SUSD5: variants seen among roughly 807,000 people sequenced by gnomAD.
SUSD5 encodes the protein sushi domain-containing protein 5.
Under a neutral mutation model 29.5 loss-of-function variants are expected in SUSD5, and 33 were observed. The ratio of observed to expected loss-of-function variants is 1.12; its 90% CI spans 0.85 to 1.49. The LOEUF (loss-of-function observed/expected upper bound fraction) is 1.49. Ranked by LOEUF, SUSD5 falls within the 40% of genes most tolerant of loss-of-function variation. The pLI is 0.00. For synonymous variants in SUSD5, 308 were observed against 325.3 expected (o/e 0.95, Z 0.57); for missense variants, 776 against 800.6 (o/e 0.97, Z 0.37).
chr3:33,154,237 C>T (rs373826292), intron 4 of SUSD5, among the ~76,000 whole-genome samples: 1 of 152,036 alleles, frequency 6.6e-6, no homozygotes, highest in Non-Finnish European at 1.5e-5. Context: ...AACATCTGAG[C>T]TTAGGCCGGG....
Position 33,204,310 on chromosome 3 carries a change from T to G in SUSD5, c.409+3498A>C, listed in dbSNP as rs929819026. Among the ~76,000 whole-genome samples, 24 of 151,862 alleles carry G rather than the reference T, an allele frequency of 1.6e-4. No individual in the cohort carries two copies. Among genetic ancestry groups the G allele is most frequent in the Admixed American group, 9.2e-4 (14 of 15,268 alleles). Reference sequence around the variant, plus strand: ...AAGCCACCATGCCCAGCCTGAGCTTTTTTGTTTGTTTGTTTGTTTGTTTGT... The same window carrying G: ...AAGCCACCATGCCCAGCCTGAGCTTGTTTGTTTGTTTGTTTGTTTGTTTGT... On this transcript the variant is annotated intron_variant, in intron 3 of 4. Coordinates refer to ENST00000309558, the MANE Select transcript of SUSD5 (RefSeq NM_015551.2). This position sits in a 1 kb window ranked among gnomAD's most constrained non-coding sequence, Gnocchi z 4.5.
chr3:33,177,070 T>G (rs985528088), intron 3 of SUSD5, among the ~76,000 whole-genome samples: 1 of 152,212 alleles, frequency 6.6e-6, no homozygotes, highest in Non-Finnish European at 1.5e-5. Flanking sequence ...AGTTGGTTAC[T>G]CTGGGTCTAT....
At chr3:33,174,817 C>T in intron 4 of SUSD5, 69 bp downstream of exon 4, 3 of 1,565,534 alleles carry the variant, frequency 1.9e-6, no homozygotes, top group Non-Finnish European at 2.6e-6. Context: ...CGCATGCAGC[C>T]AGCAGCAGTG....
At chr3:33,172,320 C>T (rs1256741501) in intron 4 of SUSD5, among the ~76,000 whole-genome samples, 1 of 152,176 alleles carries the variant, frequency 6.6e-6, no homozygotes, top group African/African-American at 2.4e-5. Context: ...AATTCCTGCC[C>T]AGCAGCTTAA....
At chr3:33,200,749 T>C (rs1052047574) in intron 3 of SUSD5, among the ~76,000 whole-genome samples, 1 of 152,134 alleles carries the variant, frequency 6.6e-6, no homozygotes, top group Non-Finnish European at 1.5e-5. Flanking sequence ...CAGATGGAAA[T>C]GAAGAACATG....
In SUSD5 at chr3:33,175,014, A is replaced by C; in HGVS notation, c.470T>G (p.Leu157Trp). The change falls in exon 4 of 5, where the codon TTG (leucine) becomes TGG (tryptophan). Residue 157 changes from leucine (L) to tryptophan (W), a missense_variant. Leu to Trp is a moderately conservative substitution (Grantham distance 61). Transcript: ENST00000309558. ...GTACAGCAGTTCATCCCCCATTTCC[A>C]AGCCGGTGCGGCCCTGCAGGATGGT... is the stretch of plus-strand genomic sequence containing the variant. ...PHTILQGRTG[L>W]EMGDELLYVC... The C allele has an allele frequency of 1.2e-6, 2 of 1,613,932 alleles. No individual in the cohort carries two copies. The highest frequency in any genetic ancestry group is 1.7e-6 in the Non-Finnish European group (2 of 1,179,878).
At chr3:33,209,586 ATTCCTTCC>A (rs889479890) in intron 2 of SUSD5, among the ~76,000 whole-genome samples, 1 of 114,752 alleles carries the variant, frequency 8.7e-6, no homozygotes, top group African/African-American at 3.3e-5. Flanking sequence ...TCTTTCCTTC[ATTCCTTCC>A]TTCCTTCCTC....
intron 3 of SUSD5, among the ~76,000 whole-genome samples, chr3:33,206,437 GTGTGTGTGTGTGTGTA>G (rs1037829646): frequency 1.3e-4 from 18 of 143,090 alleles, no homozygotes; most frequent in African/African-American, 5.1e-4. Flanking sequence ...GTGTGTGTGT[GTGTGTGTGTGTGTGTA>G]TGTGTTTTAA....
chr3:33,179,733 C>G (rs771496480), intron 3 of SUSD5, among the ~76,000 whole-genome samples: 6 of 152,112 alleles, frequency 3.9e-5, no homozygotes, highest in Admixed American at 2.6e-4. Flanking sequence ...TTTTATTGCT[C>G]TTTTCAAAAA....
chr3:33,177,874 G>A (rs1291570404), intron 3 of SUSD5, among the ~76,000 whole-genome samples: 4 of 152,146 alleles, frequency 2.6e-5, no homozygotes, highest in Non-Finnish European at 5.9e-5. Flanking sequence ...GCTTTTTGTT[G>A]TTGTTGATTC....
chr3:33,152,756 T>A lies in SUSD5; in HGVS notation c.1876A>T (p.Met626Leu). Residue 626 changes from methionine (M) to leucine (L), a missense_variant, in exon 5 of 5, where the codon ATG becomes TTG. Physicochemically the swap from Met to Leu is conservative, Grantham distance 15. Transcript: ENST00000309558. ...TCCAAAGGTGCCTAGACCTTCTCCATCTCGATCTGCTGGTGGTAGTGCCGA... is the reference window on the plus strand; with the variant it reads ...TCCAAAGGTGCCTAGACCTTCTCCAACTCGATCTGCTGGTGGTAGTGCCGA... ...QARHYHQQIEMEKV is the reference protein window; with the variant it reads ...QARHYHQQIELEKV 1.2e-6 allele frequency: 2 copies of A among 1,609,990 alleles called. No individual in the cohort carries two copies. Among genetic ancestry groups the A allele is most frequent in the Non-Finnish European group, 1.7e-6 (2 of 1,177,710 alleles).
chr3:33,218,539 G>A (rs1031597379), intron 1 of SUSD5, 147 bp downstream of exon 1: 3 of 718,752 alleles, frequency 4.2e-6, no homozygotes, highest in Admixed American at 4.4e-5. Flanking sequence ...AGGGATGCTG[G>A]GTCGCAGGAC....
intron 3 of SUSD5, among the ~76,000 whole-genome samples, chr3:33,198,079 C>T (rs1457085492): frequency 1.3e-5 from 2 of 152,030 alleles, no homozygotes; most frequent in South Asian, 2.1e-4. Context: ...AGAAATTATG[C>T]GTTGATTTAT....
rs2032374472 is a variant in SUSD5 at position 33,213,914 on chromosome 3, C to T, written c.290+14G>A. 1.3e-6 allele frequency: 2 copies of T among 1,575,988 alleles called. No individual in the cohort carries two copies. The highest frequency in any genetic ancestry group is 1.7e-6 in the Non-Finnish European group (2 of 1,159,112). ...ACTGGGGTGAGTTGGAAAAGGAGTG[C>T]TCGCCTAACTTACCCAAGAGTACCA... On this transcript the variant is annotated intron_variant, in intron 2 of 4. Coordinates refer to ENST00000309558, the MANE Select transcript of SUSD5 (RefSeq NM_015551.2).
chr3:33,214,630 G>A (rs1272287991), intron 1 of SUSD5, among the ~76,000 whole-genome samples: 1 of 152,038 alleles, frequency 6.6e-6, no homozygotes, highest in Non-Finnish European at 1.5e-5. Context: ...CTGTCCTACT[G>A]CACAAGAAAA....
intron 4 of SUSD5, among the ~76,000 whole-genome samples, chr3:33,165,991 A>G (rs903361410): frequency 6.9e-6 from 1 of 144,770 alleles, no homozygotes; most frequent in African/African-American, 2.5e-5. Context: ...AGCCTGGGTG[A>G]CAGAGTGAGA....
At position 33,218,695 on chromosome 3, in the gene SUSD5, G is replaced by T. The variant is rs2032469445; in HGVS notation, c.103C>A (p.Arg35=). ...CCTCCCGCACACTCACCATCCGCCC[G>T]CACCGAAAGGCGCGGCAGACCGAGC... is the stretch of plus-strand genomic sequence containing the variant. The part of the protein sequence containing the change: ...LLLGLPRLSV[R]ADGKFFVLES... Residue 35 remains arginine, a synonymous_variant, in exon 1 of 5, where the codon CGG becomes AGG. Coordinates refer to ENST00000309558, the MANE Select transcript of SUSD5 (RefSeq NM_015551.2). 6 of 1,309,624 alleles carry T rather than the reference G, an allele frequency of 4.6e-6. No homozygotes were observed. Among genetic ancestry groups the T allele is most frequent in the Admixed American group, 4.1e-5 (1 of 24,134 alleles). 81.1% of individuals were successfully genotyped at this position (1,309,624 alleles called of 1,614,324 possible). A position where few individuals can be genotyped will look rare whatever the true frequency, so the allele number is the denominator to read the frequency against.
At chr3:33,196,546 C>T (rs1559454187) in intron 3 of SUSD5, among the ~76,000 whole-genome samples, 2 of 151,822 alleles carry the variant, frequency 1.3e-5, no homozygotes, top group Admixed American at 6.6e-5. Context: ...TTTGTTTTAA[C>T]AAAAAAGAAC....
At chr3:33,192,883 G>C (rs1365895537) in intron 3 of SUSD5, among the ~76,000 whole-genome samples, 1 of 152,000 alleles carries the variant, frequency 6.6e-6, no homozygotes, top group Non-Finnish European at 1.5e-5. Context: ...AATTAGCCTA[G>C]TACTATCAAA....
Sources: allele counts gnomAD v4.1 joint callset (sites outside exome capture counted in the v4.1 genomes callset), GRCh38; gene constraint gnomAD v4.1.1; non-coding constraint Gnocchi (gnomAD v3.1); transcripts MANE v1.5; gene names NCBI Gene and HGNC (gene_info 2026-07-23, HGNC 2026-07-21).